Variants in SLC6A6 observed in about 807,000 individuals in gnomAD.
SLC6A6 encodes sodium- and chloride-dependent taurine transporter.
A neutral mutation model predicts 68.8 loss-of-function variants in SLC6A6; 16 were observed. The observed-to-expected ratio is 0.23, with a 90% CI of 0.16 to 0.35. The LOEUF (loss-of-function observed/expected upper bound fraction) is 0.35, where lower values mean the gene tolerates loss of function less well. Ranked by LOEUF, SLC6A6 falls within the 10% of genes least tolerant of loss-of-function variation. The probability of loss-of-function intolerance (pLI) is 1.00; values close to 1 mark genes in which losing one functional copy is unlikely to be tolerated. For synonymous variants in SLC6A6, 312 were observed against 315.4 expected (o/e 0.99, Z 0.12); for missense variants, 474 against 802.8 (o/e 0.59, Z 4.95).
In SLC6A6 at chr3:14,481,916, G is replaced by T; in HGVS notation, c.1722+75G>T. The T allele has an allele frequency of 7.6e-7, 1 of 1,316,742 alleles. No individual in the cohort carries two copies. The allele number at this position is 1,316,742 out of a possible 1,614,324, so 81.6% of individuals were successfully genotyped here. A position where few individuals can be genotyped will look rare whatever the true frequency, so the allele number is the denominator to read the frequency against. ...GGTGATTGTTGTCAGTTTGCTGCGT[G>T]ATCTCAGGCAAGTCACCTGCCCTCT... On this transcript the variant is annotated intron_variant, in intron 14 of 14. Transcript: ENST00000622186. This position sits in a 1 kb window ranked among gnomAD's most constrained non-coding sequence, Gnocchi z 4.7.
intron 2 of SLC6A6, among the ~76,000 whole-genome samples, chr3:14,433,846 G>C (rs1314596971): frequency 6.6e-6 from 1 of 151,270 alleles, no homozygotes; most frequent in Non-Finnish European, 1.5e-5. Flanking sequence ...GTACCTGCAG[G>C]GAAAAACCCA....
Position 14,484,670 on chromosome 3 carries a change from G to A in SLC6A6, c.1723-197G>A, listed in dbSNP as rs962588975. ...AACAGGAATTCCGCCTTGAGTCAGG[G>A]CCTAGTGGCACCTTAGGAGCGCCTT... On this transcript the variant is annotated intron_variant, in intron 14 of 14. Coordinates refer to ENST00000622186, the MANE Select transcript of SLC6A6 (RefSeq NM_003043.6). 3.9e-5 allele frequency among the ~76,000 whole-genome samples: 6 copies of A among 152,320 alleles called. No individual in the cohort carries two copies. In the East Asian group the frequency reaches 1.2e-3, roughly 29 times the overall value.
intron 5 of SLC6A6, among the ~76,000 whole-genome samples, chr3:14,452,242 C>T (rs926439048): frequency 6.6e-6 from 1 of 152,188 alleles, no homozygotes; most frequent in Non-Finnish European, 1.5e-5. Flanking sequence ...CACATCCCAG[C>T]TGCACGACCT....
At chr3:14,424,312 A>G (rs1425339068) in intron 2 of SLC6A6, among the ~76,000 whole-genome samples, 2 of 151,924 alleles carry the variant, frequency 1.3e-5, no homozygotes, top group Non-Finnish European at 2.9e-5. Context: ...GGACCCTGTC[A>G]GGGATGGGGA....
rs1031085358 is a variant in SLC6A6 at position 14,419,311 on chromosome 3, C to G, written c.-12+2858C>G. 2.6e-5 allele frequency among the ~76,000 whole-genome samples: 4 copies of G among 152,308 alleles called. No homozygotes were observed. The East Asian group carries it at 5.8e-4, about 22-fold the overall frequency. On this transcript the variant is annotated intron_variant, in intron 2 of 14. Transcript: ENST00000622186. ...GGTGGAAGAACAGACCTTGTCAGCT[C>G]TGAAGTCTGAGCACTGCTAGGTGTG...
At chr3:14,404,804 T>C (rs577531167) in intron 1 of SLC6A6, among the ~76,000 whole-genome samples, 3 of 152,112 alleles carry the variant, frequency 2.0e-5, no homozygotes, top group Admixed American at 1.3e-4. Context: ...CACGAGGTCC[T>C]GGGTCACTGT....
At chr3:14,435,160 G>A (rs1699823229) in intron 2 of SLC6A6, among the ~76,000 whole-genome samples, 1 of 152,206 alleles carries the variant, frequency 6.6e-6, no homozygotes, top group South Asian at 2.1e-4. Flanking sequence ...CCAAGGTCAT[G>A]GAGTTGGGAC....
At position 14,402,874 on chromosome 3, in the gene SLC6A6, CGCAGCCGGCGCTGCCCGCCGTCT is replaced by C; in HGVS notation, c.-54+34_-54+56del. 2.5e-6 allele frequency: 1 copy of C among 393,006 alleles called. No homozygotes were observed. The highest frequency in any genetic ancestry group is 4.5e-6 in the Non-Finnish European group (1 of 222,348). The allele number at this position is 393,006 out of a possible 1,614,324, so 24.3% of individuals were successfully genotyped here. On this transcript the variant is annotated intron_variant, in intron 1 of 14. Transcript: ENST00000622186. The surrounding 1 kb of genome is among the most constrained non-coding windows in gnomAD (Gnocchi z 4.8). ...TACCGGAGGGACCGGGAGCTGGGCG[CGCAGCCGGCGCTGCCCGCCGTCT>C]GCAGCCCCTCCCCATCCCCGCGTCG...
At chr3:14,415,117 G>A (rs188157571) in intron 1 of SLC6A6, among the ~76,000 whole-genome samples, 17 of 152,290 alleles carry the variant, frequency 1.1e-4, no homozygotes, top group African/African-American at 3.6e-4. Context: ...GCCTCTAGCC[G>A]GTGGTTCCAG....
chr3:14,451,249 A>C (rs1700245348), intron 5 of SLC6A6, among the ~76,000 whole-genome samples: 1 of 152,240 alleles, frequency 6.6e-6, no homozygotes, highest in African/African-American at 2.4e-5. Context: ...GAATCTCCTC[A>C]TTAGTTCCAT....
At chr3:14,447,348 C>G (rs1374472026) in intron 4 of SLC6A6, among the ~76,000 whole-genome samples, 3 of 152,196 alleles carry the variant, frequency 2.0e-5, no homozygotes, top group Non-Finnish European at 4.4e-5. Flanking sequence ...ATCCATCCAT[C>G]CATTGTTCTA....
chr3:14,443,613 G>A lies in SLC6A6; in HGVS notation c.-11-11G>A, dbSNP rs768297087. 2 of 1,556,024 alleles carry A rather than the reference G, an allele frequency of 1.3e-6. No individual in the cohort carries two copies. The highest frequency in any genetic ancestry group is 2.3e-5 in the East Asian group (1 of 44,348). ...ATCAGCTGCAGGATGCTTCTCTTTTGTCCCCCATAGAAAGCAAGGAGATGG... is the reference window on the plus strand; with the variant it reads ...ATCAGCTGCAGGATGCTTCTCTTTTATCCCCCATAGAAAGCAAGGAGATGG... On this transcript the variant is annotated splice_polypyrimidine_tract_variant and intron_variant, in intron 2 of 14. Transcript: ENST00000622186.
At chr3:14,406,878 G>C (rs1392754093) in intron 1 of SLC6A6, among the ~76,000 whole-genome samples, 1 of 152,178 alleles carries the variant, frequency 6.6e-6, no homozygotes, top group East Asian at 1.9e-4. Context: ...AGTGGGGAGG[G>C]AATGATGGGG....
chr3:14,474,804 T>C lies in SLC6A6; in HGVS notation c.1210-2401T>C, dbSNP rs115594883. On this transcript the variant is annotated intron_variant, in intron 10 of 14. Coordinates refer to ENST00000622186, the MANE Select transcript of SLC6A6 (RefSeq NM_003043.6). Reference sequence around the variant, plus strand: ...AAATAACTTCCTCCTGTTGGAAGTATGGAGATCTACAGCCCAGAGGCAGAG... The same window carrying C: ...AAATAACTTCCTCCTGTTGGAAGTACGGAGATCTACAGCCCAGAGGCAGAG... Among the ~76,000 whole-genome samples the C allele has an allele frequency of 7.1e-3, 1,087 of 152,298 alleles. 10 individuals are homozygous for C. Among genetic ancestry groups the C allele is most frequent in the African/African-American group, 0.025 (1,034 of 41,562 alleles).
intron 6 of SLC6A6, 141 bp downstream of exon 6, chr3:14,458,223 A>G: frequency 1.4e-6 from 1 of 710,222 alleles, no homozygotes; most frequent in Admixed American, 2.5e-5. Context: ...GCCCTCTGGA[A>G]AAAAGTAAAA....
intron 6 of SLC6A6, among the ~76,000 whole-genome samples, chr3:14,463,710 G>A (rs926767475): frequency 2.0e-5 from 3 of 152,090 alleles, no homozygotes; most frequent in Non-Finnish European, 2.9e-5. Context: ...ATGTGCCCCC[G>A]CCCTCCACGT....
intron 6 of SLC6A6, among the ~76,000 whole-genome samples, chr3:14,463,172 C>T (rs1203918025): frequency 6.6e-6 from 1 of 152,174 alleles, no homozygotes; most frequent in Admixed American, 6.5e-5. Context: ...GTGTGGGGAC[C>T]TGACACCAGC....
chr3:14,413,382 G>A (rs77281748), intron 1 of SLC6A6, among the ~76,000 whole-genome samples: 1 of 152,200 alleles, frequency 6.6e-6, no homozygotes, highest in Non-Finnish European at 1.5e-5. Context: ...CTCCGTAATC[G>A]CCGTCTGCTT....
intron 10 of SLC6A6, among the ~76,000 whole-genome samples, chr3:14,476,913 G>T (rs1296261446): frequency 3.9e-5 from 6 of 152,238 alleles, no homozygotes; most frequent in Admixed American, 3.9e-4. Flanking sequence ...AGGCATTCTG[G>T]TGGCAGGAAC....
Sources: allele counts gnomAD v4.1 joint callset (sites outside exome capture counted in the v4.1 genomes callset), GRCh38; gene constraint gnomAD v4.1.1; non-coding constraint Gnocchi (gnomAD v3.1); transcripts MANE v1.5; gene names NCBI Gene and HGNC (gene_info 2026-07-23, HGNC 2026-07-21).